The following STRN variants were observed in gnomAD, a reference collection of about 807,000 sequenced individuals.
STRN encodes protein phosphatase 2 regulatory subunit B'''alpha.
Under a neutral mutation model 96.3 loss-of-function variants are expected in STRN, and 53 were observed. The ratio of observed to expected loss-of-function variants is 0.55; its 90% CI spans 0.44 to 0.69. The LOEUF (loss-of-function observed/expected upper bound fraction) is 0.69. STRN is among the 30% of genes least tolerant of loss of function. STRN has a pLI of 0.00. For missense variants in STRN, 987 were observed against 963.9 expected, an observed-to-expected ratio of 1.02 and a Z score of -0.32; for synonymous variants, 428 against 355.9, an observed-to-expected ratio of 1.20 and a Z score of -2.28.
intron 1 of STRN, among the ~76,000 whole-genome samples, chr2:36,954,520 GAAAAAAA>G (rs35594116): frequency 3.5e-5 from 3 of 84,896 alleles, no homozygotes; most frequent in Non-Finnish European, 5.0e-5. Context: ...TCAAACAGGG[GAAAAAAA>G]AAAAAAAAAA....
intron 1 of STRN, among the ~76,000 whole-genome samples, chr2:36,952,132 T>C (rs1664769306): frequency 1.3e-5 from 2 of 152,194 alleles, no homozygotes; most frequent in Admixed American, 6.5e-5. Flanking sequence ...AACAAAAATG[T>C]GAAGGGTGGG....
At chr2:36,934,595 A>T (rs1670655659) in intron 1 of STRN, among the ~76,000 whole-genome samples, 1 of 152,246 alleles carries the variant, frequency 6.6e-6, no homozygotes, top group East Asian at 1.9e-4. Context: ...AGTATTCTTC[A>T]ATAGGCAACA....
chr2:36,893,859 T>C (rs751440150), intron 7 of STRN, 39 bp downstream of exon 7: 38 of 1,556,756 alleles, frequency 2.4e-5, no homozygotes, highest in Non-Finnish European at 3.1e-5. Context: ...TTCTTTTATT[T>C]ACTTAACATC....
intron 4 of STRN, chr2:36,902,992 T>G: frequency 3.8e-6 from 1 of 262,838 alleles, no homozygotes; most frequent in Non-Finnish European, 7.1e-6. Context: ...TTCATTACAT[T>G]TACCATAAGA....
intron 5 of STRN, among the ~76,000 whole-genome samples, chr2:36,902,262 A>G (rs910192406): frequency 3.3e-5 from 5 of 152,200 alleles, no homozygotes; most frequent in Non-Finnish European, 7.4e-5. Flanking sequence ...TGGATCACCA[A>G]TCATGAAACG....
intron 1 of STRN, among the ~76,000 whole-genome samples, chr2:36,931,958 C>T (rs1174155831): frequency 6.6e-6 from 1 of 152,020 alleles, no homozygotes; most frequent in Non-Finnish European, 1.5e-5. Context: ...GTTGCTGGGA[C>T]TATAGGCGCA....
intron 9 of STRN, among the ~76,000 whole-genome samples, chr2:36,882,875 T>C (rs1049169563): frequency 6.6e-6 from 1 of 152,140 alleles, no homozygotes; most frequent in African/African-American, 2.4e-5. Flanking sequence ...TACTTCAAAA[T>C]CAATTTCCAC....
chr2:36,915,713 T>C (rs1295146225), intron 3 of STRN, among the ~76,000 whole-genome samples: 1 of 152,218 alleles, frequency 6.6e-6, no homozygotes, highest in Non-Finnish European at 1.5e-5. Context: ...TATTTCCTAA[T>C]CTTTCTCAGG....
At chr2:36,882,186 T>TA (rs562917267) in intron 9 of STRN, among the ~76,000 whole-genome samples, 28 of 151,158 alleles carry the variant, frequency 1.9e-4, no homozygotes, top group South Asian at 4.2e-4. Flanking sequence ...TGTAATTTAT[T>TA]AAAAAAAAAC....
intron 3 of STRN, among the ~76,000 whole-genome samples, chr2:36,906,249 A>C (rs1411752773): frequency 6.6e-6 from 1 of 152,172 alleles, no homozygotes; most frequent in African/African-American, 2.4e-5. Flanking sequence ...GGATCTCTAG[A>C]ACCCAGGAGT....
rs766058328 is a variant in STRN at position 36,855,202 on chromosome 2, G to A, written c.1978+10C>T. The A allele has an allele frequency of 3.1e-6, 5 of 1,609,356 alleles. No individual in the cohort carries two copies. Among genetic ancestry groups the A allele is most frequent in the Non-Finnish European group, 8.5e-7 (1 of 1,178,072 alleles). On this transcript the variant is annotated intron_variant, in intron 15 of 17. Coordinates refer to ENST00000263918, the MANE Select transcript of STRN (RefSeq NM_003162.4). The stretch of plus-strand genomic sequence containing the variant: ...AATAAACACAGACAATTTAAAATTG[G>A]TATGCATACTTGTATCTACATTGGA...
intron 5 of STRN, among the ~76,000 whole-genome samples, chr2:36,900,029 C>T (rs534141067): frequency 6.6e-6 from 1 of 152,162 alleles, no homozygotes; most frequent in African/African-American, 2.4e-5. Flanking sequence ...GCTGGGATTA[C>T]AGGAGTGAGC....
intron 12 of STRN, among the ~76,000 whole-genome samples, chr2:36,862,096 G>T (rs1184038332): frequency 4.6e-5 from 7 of 152,104 alleles, no homozygotes; most frequent in Non-Finnish European, 8.8e-5. Flanking sequence ...CAAAGGACAG[G>T]ATCTCATTTT....
At chr2:36,927,524 A>AAGGG (rs368387203) in intron 1 of STRN, among the ~76,000 whole-genome samples, 1 of 79,566 alleles carries the variant, frequency 1.3e-5, no homozygotes, top group Non-Finnish European at 2.6e-5. Flanking sequence ...AACAAAAAAA[A>AAGGG]GGGGGGGGGG....
chr2:36,953,843 A>T (rs1664817577), intron 1 of STRN, among the ~76,000 whole-genome samples: 2 of 152,214 alleles, frequency 1.3e-5, no homozygotes, highest in Admixed American at 1.3e-4. Context: ...CTAAAAATAG[A>T]CTAATAATCA....
chr2:36,869,757 T>C (rs764938198), intron 10 of STRN, 28 bp from the exon 11 acceptor site: 6 of 1,530,264 alleles, frequency 3.9e-6, no homozygotes, highest in Non-Finnish European at 5.3e-6. Context: ...CAAAGATATC[T>C]ACACACTTAG....
chr2:36,894,744 T>C (rs1283237195), intron 6 of STRN, among the ~76,000 whole-genome samples: 1 of 152,222 alleles, frequency 6.6e-6, no homozygotes, highest in Admixed American at 6.5e-5. Flanking sequence ...ATGTTATCGC[T>C]GGGCTATTGT....
At chr2:36,924,913 G>C (rs753252617) in intron 2 of STRN, among the ~76,000 whole-genome samples, 192 bp downstream of exon 2, 2 of 152,040 alleles carry the variant, frequency 1.3e-5, no homozygotes, top group Non-Finnish European at 2.9e-5. Flanking sequence ...AAAATTAGCT[G>C]GGTGTGGTGG....
chr2:36,929,139 A>ACT (rs1670501345), intron 1 of STRN, among the ~76,000 whole-genome samples: 1 of 152,156 alleles, frequency 6.6e-6, no homozygotes. Context: ...AGTATAGAAA[A>ACT]TTATTCACTT....
Sources: allele counts gnomAD v4.1 joint callset (sites outside exome capture counted in the v4.1 genomes callset), GRCh38; gene constraint gnomAD v4.1.1; transcripts MANE v1.5; gene names NCBI Gene and HGNC (gene_info 2026-07-23, HGNC 2026-07-21).